The following PDE4D variants were observed in gnomAD, a reference collection of about 807,000 sequenced individuals.
PDE4D encodes phosphodiesterase 4D.
A neutral mutation model predicts 87.4 loss-of-function variants in PDE4D; 24 were observed. That is an observed-to-expected ratio of 0.27 (90% CI 0.20 to 0.39). The LOEUF is 0.39. PDE4D is among the 10% of genes least tolerant of loss of function. PDE4D has a pLI of 1.00. For synonymous variants in PDE4D, 384 were observed against 383.2 expected, an observed-to-expected ratio of 1.00 and a Z score of -0.02; for missense variants, 714 against 1,041.0, an observed-to-expected ratio of 0.69 and a Z score of 4.32.
intron 1 of PDE4D, among the ~76,000 whole-genome samples, chr5:60,324,633 G>A (rs550064537): frequency 5.3e-5 from 8 of 152,190 alleles, no homozygotes; most frequent in South Asian, 2.1e-4. Context: ...GCGAGACTCC[G>A]TCTCAAAACA....
intron 5 of PDE4D, chr5:59,091,067 T>C: frequency 2.2e-6 from 1 of 448,900 alleles, no homozygotes; most frequent in Non-Finnish European, 4.5e-6. Context: ...ACTAAACATA[T>C]GAAGGAGTAC....
intron 1 of PDE4D, among the ~76,000 whole-genome samples, chr5:59,329,278 T>C (rs2153575937): frequency 6.6e-6 from 1 of 152,276 alleles, no homozygotes; most frequent in East Asian, 1.9e-4. Flanking sequence ...CATTATTGAT[T>C]CAGAGCCCCC....
chr5:59,717,270 A>G (rs374388582), intron 1 of PDE4D, among the ~76,000 whole-genome samples: 19 of 152,306 alleles, frequency 1.2e-4, no homozygotes, highest in African/African-American at 3.6e-4. Context: ...AGCTGCCACC[A>G]TTCCTAGTAG....
At chr5:59,479,231 T>G (rs1035613535) in intron 1 of PDE4D, among the ~76,000 whole-genome samples, 4 of 152,036 alleles carry the variant, frequency 2.6e-5, no homozygotes, top group South Asian at 2.1e-4. Flanking sequence ...GCCTAGAGTT[T>G]CCAGGACTTT....
intron 1 of PDE4D, among the ~76,000 whole-genome samples, chr5:59,785,617 C>T (rs1221746099): frequency 6.6e-6 from 1 of 152,232 alleles, no homozygotes; most frequent in African/African-American, 2.4e-5. Flanking sequence ...GATTAGTGGA[C>T]AGACAGGTGG....
At chr5:59,029,416 CAAAA>C (rs34120574) in intron 6 of PDE4D, among the ~76,000 whole-genome samples, 2 of 87,024 alleles carry the variant, frequency 2.3e-5, no homozygotes, top group African/African-American at 9.7e-5. Context: ...GACTCCATCA[CAAAA>C]AAAAAAAAAA....
intron 1 of PDE4D, among the ~76,000 whole-genome samples, chr5:60,227,169 T>C (rs1255595082): frequency 1.3e-5 from 2 of 152,112 alleles, no homozygotes; most frequent in Non-Finnish European, 2.9e-5. Flanking sequence ...AAACAAAATA[T>C]GTTTCTACAA....
Position 59,264,859 on chromosome 5 carries a change from C to T in PDE4D, c.456-48891G>A, listed in dbSNP as rs545451841. Among the ~76,000 whole-genome samples the T allele has an allele frequency of 2.0e-5, 3 of 152,148 alleles. No homozygotes were observed. The East Asian group carries it at 5.8e-4, about 29-fold the overall frequency. The stretch of plus-strand genomic sequence containing the variant: ...CAGCTCATCCTAACACTTCACGCCA[C>T]AAGAACAGACCTAACCAGATCTCTA... On this transcript the variant is annotated intron_variant, in intron 1 of 14. Transcript: ENST00000340635.
At chr5:59,890,582 A>G (rs1750815850) in intron 1 of PDE4D, among the ~76,000 whole-genome samples, 1 of 152,212 alleles carries the variant, frequency 6.6e-6, no homozygotes, top group African/African-American at 2.4e-5. Context: ...GTCCTGTAGT[A>G]TCAGTCGATA....
intron 2 of PDE4D, among the ~76,000 whole-genome samples, chr5:60,026,197 G>GA: frequency 6.6e-6 from 1 of 152,196 alleles, no homozygotes; most frequent in South Asian, 2.1e-4. Flanking sequence ...TTTCTTCATT[G>GA]AAAATGTCCT....
At chr5:60,087,268 C>T (rs1319384435) in intron 2 of PDE4D, among the ~76,000 whole-genome samples, 1 of 152,082 alleles carries the variant, frequency 6.6e-6, no homozygotes, top group East Asian at 1.9e-4. Context: ...AGGCCTAACA[C>T]CACCAAAAAA....
At chr5:59,683,503 A>G (rs1749366102) in intron 1 of PDE4D, among the ~76,000 whole-genome samples, 2 of 152,232 alleles carry the variant, frequency 1.3e-5, no homozygotes, top group African/African-American at 4.8e-5. Context: ...CAAATATTAT[A>G]AAGCACACTC....
intron 2 of PDE4D, among the ~76,000 whole-genome samples, chr5:60,137,249 T>A (rs1290438533): frequency 6.6e-6 from 1 of 152,194 alleles, no homozygotes; most frequent in East Asian, 1.9e-4. Context: ...TGAACAGTGC[T>A]GCAATGAACA....
chr5:60,209,191 T>TTC (rs1300617216), intron 1 of PDE4D, among the ~76,000 whole-genome samples: 53 of 146,476 alleles, frequency 3.6e-4, no homozygotes, highest in African/African-American at 1.2e-3. Context: ...TTTTTTCTTT[T>TTC]TTTTTTTTTT....
intron 2 of PDE4D, among the ~76,000 whole-genome samples, chr5:60,172,679 T>A (rs1476989093): frequency 6.6e-6 from 1 of 152,148 alleles, no homozygotes; most frequent in Non-Finnish European, 1.5e-5. Context: ...CTAGAACTCA[T>A]TCATTCTAAA....
chr5:58,999,398 T>G, intron 6 of PDE4D: 1 of 546,142 alleles, frequency 1.8e-6, no homozygotes, highest in Non-Finnish European at 3.1e-6. Flanking sequence ...AATACATAAC[T>G]GATAGTTTGA....
intron 4 of PDE4D, among the ~76,000 whole-genome samples, chr5:59,184,637 A>T (rs1235611449): frequency 1.3e-5 from 2 of 152,020 alleles, no homozygotes; most frequent in Non-Finnish European, 2.9e-5. Flanking sequence ...ATCTTTTTAG[A>T]TTTTTTTGCC....
At chr5:60,279,276 C>A (rs1413583119) in intron 1 of PDE4D, among the ~76,000 whole-genome samples, 1 of 152,128 alleles carries the variant, frequency 6.6e-6, no homozygotes, top group Non-Finnish European at 1.5e-5. Context: ...CGGACACCAG[C>A]CCAGTCAGGA....
intron 1 of PDE4D, among the ~76,000 whole-genome samples, chr5:60,247,546 C>T (rs1055436530): frequency 1.4e-4 from 7 of 50,984 alleles, no homozygotes; most frequent in Non-Finnish European, 2.1e-4. Flanking sequence ...TTCAGAAAAC[C>T]ACATGGAAAA....
Sources: gnomAD v4.1 joint callset for allele counts (sites outside exome capture counted in the v4.1 genomes callset) on GRCh38, gnomAD v4.1.1 for gene constraint, MANE v1.5 for transcripts, NCBI Gene and HGNC (gene_info 2026-07-23, HGNC 2026-07-21) for gene names.